The following EVI5 variants were observed in gnomAD, a reference collection of about 807,000 sequenced individuals.
The protein encoded by EVI5 is ecotropic viral integration site 5 protein homolog.
Under a neutral mutation model 112.0 loss-of-function variants are expected in EVI5, and 73 were observed. The ratio of observed to expected loss-of-function variants is 0.65; its 90% CI spans 0.54 to 0.79. EVI5 has a LOEUF of 0.79. Ranked by LOEUF, EVI5 falls within the 30% of genes least tolerant of loss-of-function variation. The pLI, the probability that EVI5 is intolerant of heterozygous loss-of-function variation, is 0.00. For synonymous variants in EVI5, 305 were observed against 319.9 expected, an observed-to-expected ratio of 0.95 and a Z score of 0.50; for missense variants, 900 against 968.8, an observed-to-expected ratio of 0.93 and a Z score of 0.94.
chr1:92,605,383 G>A lies in EVI5; in HGVS notation c.1994C>T (p.Ala665Val). The A allele has an allele frequency of 6.2e-7, 1 of 1,611,904 alleles. No homozygotes were observed. The highest frequency in any genetic ancestry group is 1.1e-5 in the South Asian group (1 of 91,040). Residue 665 changes from alanine (A) to valine (V), a missense_variant, in exon 18 of 20, where the codon GCT (alanine) becomes GTT (valine). Coordinates refer to ENST00000684568, the MANE Select transcript of EVI5 (RefSeq NM_001350197.2). ...IECKNKEEVMAVRLREADSIA... is the reference protein window; with the variant it reads ...IECKNKEEVMVVRLREADSIA... ...GCTATCTGCTTCCCGAAGCCTCACA[G>A]CCATCACTTCTTCCTTATTCTAGTG...
At chr1:92,572,577 A>C (rs2101003051) in intron 18 of EVI5, among the ~76,000 whole-genome samples, 1 of 152,196 alleles carries the variant, frequency 6.6e-6, no homozygotes, top group South Asian at 2.1e-4. Context: ...TATCCCTTTA[A>C]TATTTTACAG....
intron 19 of EVI5, among the ~76,000 whole-genome samples, chr1:92,559,402 C>T (rs1668167997): frequency 6.6e-6 from 1 of 152,092 alleles, no homozygotes; most frequent in South Asian, 2.1e-4. Context: ...CTCAAAATAA[C>T]CATTTCATTT....
At chr1:92,736,045 A>T (rs188184841) in intron 2 of EVI5, among the ~76,000 whole-genome samples, 146 of 151,546 alleles carry the variant, frequency 9.6e-4, no homozygotes, top group African/African-American at 3.3e-3. Flanking sequence ...TCTAAACCAC[A>T]AATCAGATAT....
intron 2 of EVI5, among the ~76,000 whole-genome samples, chr1:92,708,268 T>G (rs964363433): frequency 4.0e-5 from 6 of 151,012 alleles, no homozygotes; most frequent in African/African-American, 1.5e-4. Context: ...ATCTAGAATA[T>G]AGAAAGAACC....
rs1033949841 is a variant in EVI5 at position 92,663,595 on chromosome 1, T to C, written c.1213-143A>G. ...ACATTTAAAGTTTAAAACCATTTTT[T>C]ACTGAATGTTTTTATTTTTAAACCT... is the stretch of plus-strand genomic sequence containing the variant. On this transcript the variant is annotated intron_variant, in intron 11 of 19. Transcript: ENST00000684568. 5 of 404,038 alleles carry C rather than the reference T, an allele frequency of 1.2e-5. No homozygotes were observed. The East Asian group carries it at 1.8e-4, about 14-fold the overall frequency. 25.0% of individuals were successfully genotyped at this position (404,038 alleles called of 1,614,324 possible).
At chr1:92,546,514 T>C (rs898069501) in intron 19 of EVI5, among the ~76,000 whole-genome samples, 5 of 151,956 alleles carry the variant, frequency 3.3e-5, no homozygotes, top group African/African-American at 4.8e-5. Context: ...CTGGCCAACA[T>C]AGTGAAACCC....
At chr1:92,641,210 G>A (rs1269386394) in intron 13 of EVI5, among the ~76,000 whole-genome samples, 1 of 128,966 alleles carries the variant, frequency 7.8e-6, no homozygotes, top group East Asian at 2.0e-4. Context: ...AAAAAAAATT[G>A]TGTGATTAAT....
intron 19 of EVI5, among the ~76,000 whole-genome samples, chr1:92,549,687 A>T (rs989245841): frequency 2.0e-5 from 3 of 152,248 alleles, no homozygotes; most frequent in Non-Finnish European, 4.4e-5. Flanking sequence ...AAGTGGGCAA[A>T]GCATATGAAC....
intron 6 of EVI5, among the ~76,000 whole-genome samples, chr1:92,696,826 C>T (rs1268815208): frequency 6.6e-6 from 1 of 152,150 alleles, no homozygotes; most frequent in African/African-American, 2.4e-5. Flanking sequence ...TTCATGAGGT[C>T]AGGAGATCGA....
At chr1:92,688,498 AT>A (rs1441496559) in intron 9 of EVI5, among the ~76,000 whole-genome samples, 1 of 152,146 alleles carries the variant, frequency 6.6e-6, no homozygotes, top group East Asian at 1.9e-4. Flanking sequence ...AGCCACAGAG[AT>A]TTTTTATAAA....
At position 92,785,050 on chromosome 1, in the gene EVI5, C is replaced by G. The variant is rs1328778456; in HGVS notation, c.-296G>C. 2 of 985,516 alleles carry G rather than the reference C, an allele frequency of 2.0e-6. No homozygotes were observed. The highest frequency in any genetic ancestry group is 3.5e-5 in the African/African-American group (2 of 57,212). 61.0% of individuals were successfully genotyped at this position (985,516 alleles called of 1,614,324 possible). ...GCCGCTGTCGGAACTGCAGCCAGCC[C>G]CTTGCCAGCTGGCCAGCTGGTTCCT... On this transcript the variant is annotated 5_prime_UTR_variant, in exon 1 of 20. Transcript: ENST00000684568.
At chr1:92,628,340 A>T (rs1331683610) in intron 14 of EVI5, among the ~76,000 whole-genome samples, 1 of 152,222 alleles carries the variant, frequency 6.6e-6, no homozygotes, top group Non-Finnish European at 1.5e-5. Flanking sequence ...ATTAGGTCCC[A>T]GCTATTTATC....
At chr1:92,712,716 A>T (rs1390715401) in intron 2 of EVI5, among the ~76,000 whole-genome samples, 1 of 152,080 alleles carries the variant, frequency 6.6e-6, no homozygotes, top group African/African-American at 2.4e-5. Context: ...ACTTGAAAAT[A>T]TCTATTTTGC....
intron 13 of EVI5, among the ~76,000 whole-genome samples, chr1:92,639,513 G>C (rs1308760259): frequency 6.6e-6 from 1 of 151,972 alleles, no homozygotes; most frequent in African/African-American, 2.4e-5. Flanking sequence ...ATTAGAAAAA[G>C]GGTTGTCCAT....
At chr1:92,561,063 T>C (rs1457610494) in intron 19 of EVI5, among the ~76,000 whole-genome samples, 4 of 152,168 alleles carry the variant, frequency 2.6e-5, no homozygotes, top group Admixed American at 1.3e-4. Context: ...TTTCATCACA[T>C]AGACACTCTG....
chr1:92,691,783 A>C (rs959104346), intron 9 of EVI5, among the ~76,000 whole-genome samples: 2 of 152,174 alleles, frequency 1.3e-5, no homozygotes, highest in African/African-American at 4.8e-5. Context: ...CTAAAAAGAG[A>C]AGAAAAAGAA....
At chr1:92,743,234 T>A (rs1235837802) in intron 1 of EVI5, among the ~76,000 whole-genome samples, 2 of 152,144 alleles carry the variant, frequency 1.3e-5, no homozygotes, top group African/African-American at 4.8e-5. Flanking sequence ...GCGCCTGTAA[T>A]CCCAGCTACT....
At chr1:92,739,051 C>CA (rs1677913144) in intron 1 of EVI5, among the ~76,000 whole-genome samples, 1 of 152,028 alleles carries the variant, frequency 6.6e-6, no homozygotes, top group Non-Finnish European at 1.5e-5. Flanking sequence ...GCAGGCAGAT[C>CA]ACCCTGAGGT....
chr1:92,600,360 T>C (rs1648860770), intron 18 of EVI5, among the ~76,000 whole-genome samples: 1 of 151,294 alleles, frequency 6.6e-6, no homozygotes, highest in Non-Finnish European at 1.5e-5. Flanking sequence ...TTAACCTTGG[T>C]TAGAAGTTTT....
Sources: allele counts gnomAD v4.1 joint callset (sites outside exome capture counted in the v4.1 genomes callset), GRCh38; gene constraint gnomAD v4.1.1; transcripts MANE v1.5; gene names NCBI Gene and HGNC (gene_info 2026-07-23, HGNC 2026-07-21).